NEK1: variants seen among roughly 807,000 people sequenced by gnomAD.
The protein encoded by NEK1 is serine/threonine-protein kinase Nek1.
Under a neutral mutation model 182.1 loss-of-function variants are expected in NEK1, and 137 were observed. That is an observed-to-expected ratio of 0.75 (90% confidence interval 0.65 to 0.87). NEK1 has a LOEUF of 0.87. Ranked by LOEUF, NEK1 falls within the 40% of genes least tolerant of loss-of-function variation. The probability of loss-of-function intolerance (pLI) is 0.00; values close to 1 mark genes in which losing one functional copy is unlikely to be tolerated. For synonymous variants in NEK1, 513 were observed against 492.2 expected (o/e 1.04, Z -0.56); for missense variants, 1,391 against 1,494.4 (o/e 0.93, Z 1.14).
intron 2 of NEK1, among the ~76,000 whole-genome samples, chr4:169,610,314 C>CTT: frequency 6.7e-6 from 1 of 149,998 alleles, no homozygotes; most frequent in African/African-American, 2.5e-5. Context: ...GAATTTCTTT[C>CTT]TTTTTTTCTT....
intron 23 of NEK1, among the ~76,000 whole-genome samples, chr4:169,484,223 A>T (rs1212493397): frequency 6.6e-6 from 1 of 152,160 alleles, no homozygotes; most frequent in Non-Finnish European, 1.5e-5. Flanking sequence ...ACATTTTTGT[A>T]TTTTTAGTAG....
At chr4:169,464,850 C>T (rs1038983706) in intron 26 of NEK1, among the ~76,000 whole-genome samples, 2 of 152,008 alleles carry the variant, frequency 1.3e-5, no homozygotes, top group African/African-American at 4.8e-5. Context: ...AGGCAAATAA[C>T]TGCTACTTCC....
Position 169,555,983 on chromosome 4 carries a change from T to C in NEK1, c.1379A>G (p.Asp460Gly), listed in dbSNP as rs777728881. The change falls in exon 17 of 36, where the codon GAT becomes GGT. Residue 460 changes from aspartate to glycine, a missense_variant. Coordinates refer to ENST00000507142, the MANE Select transcript of NEK1 (RefSeq NM_001199397.3). ...TTCTCTTTTCCATTTAGCTTCATTA[T>C]CTTCTGCTCTTTGTTGCTGCATTTG... ...FDQMQQQRAEDNEAKWKREIY... is the reference protein window; with the variant it reads ...FDQMQQQRAEGNEAKWKREIY... 6.2e-7 allele frequency: 1 copy of C among 1,613,792 alleles called. No homozygotes were observed. Among genetic ancestry groups the C allele is most frequent in the Non-Finnish European group, 8.5e-7 (1 of 1,179,804 alleles).
Position 169,507,147 on chromosome 4 carries a change from A to C in NEK1, c.1912-15T>G. 6.5e-7 allele frequency: 1 copy of C among 1,530,874 alleles called. No individual in the cohort carries two copies. Among genetic ancestry groups the C allele is most frequent in the Non-Finnish European group, 8.9e-7 (1 of 1,129,926 alleles). The allele number at this position is 1,530,874 out of a possible 1,614,324, so 94.8% of individuals were successfully genotyped here. ...TTTGCATGGGCCTAAAAATAAAAACAATTAACAAAATGAGTTACCAGAAAG... is the reference window on the plus strand; with the variant it reads ...TTTGCATGGGCCTAAAAATAAAAACCATTAACAAAATGAGTTACCAGAAAG... On this transcript the variant is annotated splice_polypyrimidine_tract_variant and intron_variant, in intron 22 of 35. Coordinates refer to ENST00000507142, the MANE Select transcript of NEK1 (RefSeq NM_001199397.3).
intron 28 of NEK1, among the ~76,000 whole-genome samples, chr4:169,437,394 A>C (rs1738614785): frequency 6.6e-6 from 1 of 152,134 alleles, no homozygotes; most frequent in African/African-American, 2.4e-5. Flanking sequence ...TATGGGAGGA[A>C]TGAAGATAAT....
At chr4:169,558,534 C>A (rs552293038) in intron 16 of NEK1, among the ~76,000 whole-genome samples, 30 of 152,286 alleles carry the variant, frequency 2.0e-4, no homozygotes, top group Non-Finnish European at 3.1e-4. Context: ...AATATGTACT[C>A]TTTTATCTGG....
At chr4:169,400,497 T>G in intron 34 of NEK1, 24 bp downstream of exon 34, 1 of 1,583,728 alleles carries the variant, frequency 6.3e-7, no homozygotes, top group South Asian at 1.2e-5. Context: ...ACATTTTAAG[T>G]GTTTTAATTG....
chr4:169,433,204 C>A (rs1737754745), intron 29 of NEK1, among the ~76,000 whole-genome samples: 2 of 151,994 alleles, frequency 1.3e-5, no homozygotes, highest in Admixed American at 1.3e-4. Flanking sequence ...GGACTATAGG[C>A]ACGTGCCACC....
chr4:169,583,433 T>G (rs920671784), intron 10 of NEK1, among the ~76,000 whole-genome samples: 1 of 152,186 alleles, frequency 6.6e-6, no homozygotes, highest in African/African-American at 2.4e-5. Flanking sequence ...AAGAATGAAA[T>G]CTAAGTGGTG....
intron 27 of NEK1, among the ~76,000 whole-genome samples, chr4:169,440,139 C>A (rs779626234): frequency 6.6e-6 from 1 of 151,266 alleles, no homozygotes; most frequent in African/African-American, 2.4e-5. Context: ...CTACCACACC[C>A]GGCTGGATAG....
At chr4:169,424,903 C>A in intron 30 of NEK1, 103 bp from the exon 31 acceptor site, 1 of 1,216,122 alleles carries the variant, frequency 8.2e-7, no homozygotes, top group Non-Finnish European at 1.1e-6. Context: ...AGCAAAAAAC[C>A]CACATATCAG....
At chr4:169,460,259 C>T (rs959318024) in intron 27 of NEK1, among the ~76,000 whole-genome samples, 3 of 151,922 alleles carry the variant, frequency 2.0e-5, no homozygotes, top group African/African-American at 7.3e-5. Flanking sequence ...ACTCACAGTT[C>T]CACATGGCTG....
At chr4:169,506,909 A>G (rs1753363384) in intron 23 of NEK1, 128 bp downstream of exon 23, 3 of 503,370 alleles carry the variant, frequency 6.0e-6, no homozygotes, top group Non-Finnish European at 1.0e-5. Context: ...AGAAAGGGTG[A>G]GAGAGAGAAT....
intron 19 of NEK1, among the ~76,000 whole-genome samples, chr4:169,526,547 G>A (rs965252243): frequency 6.6e-5 from 10 of 152,062 alleles, no homozygotes; most frequent in African/African-American, 1.7e-4. Flanking sequence ...TGAAATACAC[G>A]ATTTCTTTAA....
At chr4:169,400,778 C>T (rs1309719112) in intron 33 of NEK1, 127 bp from the exon 34 acceptor site, 1 of 623,780 alleles carries the variant, frequency 1.6e-6, no homozygotes, top group Non-Finnish European at 2.5e-6. Flanking sequence ...TCATTATAAA[C>T]AGTTTTTGTC....
intron 35 of NEK1, among the ~76,000 whole-genome samples, chr4:169,398,885 T>C (rs554079016): frequency 6.6e-6 from 1 of 152,332 alleles, no homozygotes; most frequent in South Asian, 2.1e-4. Context: ...TTTAAAGTAA[T>C]AAAATTAATG....
intron 27 of NEK1, among the ~76,000 whole-genome samples, chr4:169,443,311 T>C (rs1320262669): frequency 6.6e-6 from 1 of 151,870 alleles, no homozygotes; most frequent in African/African-American, 2.4e-5. Context: ...GACAGAGCCC[T>C]GTCTCAAAAA....
intron 27 of NEK1, among the ~76,000 whole-genome samples, chr4:169,461,893 A>T (rs1015014438): frequency 6.6e-6 from 1 of 152,108 alleles, no homozygotes; most frequent in Non-Finnish European, 1.5e-5. Context: ...AGTGAACACA[A>T]CTAAGAAGTG....
chr4:169,496,553 C>T (rs1446185248), intron 23 of NEK1, among the ~76,000 whole-genome samples: 3 of 150,936 alleles, frequency 2.0e-5, no homozygotes, highest in Non-Finnish European at 2.9e-5. Flanking sequence ...TCATAGATAG[C>T]TCTTATTATT....
Sources: gnomAD v4.1 joint callset for allele counts (sites outside exome capture counted in the v4.1 genomes callset) on GRCh38, gnomAD v4.1.1 for gene constraint, MANE v1.5 for transcripts, NCBI Gene and HGNC (gene_info 2026-07-23, HGNC 2026-07-21) for gene names.